The following BCL2 variants were observed in gnomAD, a reference collection of about 807,000 sequenced individuals.
The protein encoded by BCL2 is apoptosis regulator Bcl-2.
In BCL2, 1 loss-of-function variant was observed where a neutral mutation model predicts 14.2. That is an observed-to-expected ratio of 0.07 (90% confidence interval 0.02 to 0.33). The LOEUF (loss-of-function observed/expected upper bound fraction) is 0.33, where lower values mean the gene tolerates loss of function less well. Among genes scored for constraint, BCL2 ranks in the 10% least tolerant of loss-of-function variants. The pLI, the probability that BCL2 is intolerant of heterozygous loss-of-function variation, is 0.99. For synonymous variants in BCL2, 151 were observed against 137.2 expected, an observed-to-expected ratio of 1.10 and a Z score of -0.70; for missense variants, 247 against 305.9, an observed-to-expected ratio of 0.81 and a Z score of 1.44.
At chr18:63,214,175 A>G (rs1167560686) in intron 2 of BCL2, among the ~76,000 whole-genome samples, 3 of 152,216 alleles carry the variant, frequency 2.0e-5, no homozygotes, top group Non-Finnish European at 4.4e-5. Flanking sequence ...GACAAGGAAG[A>G]TGGGAAGCAA....
At chr18:63,166,845 T>C (rs1353395297) in intron 2 of BCL2, among the ~76,000 whole-genome samples, 1 of 152,246 alleles carries the variant, frequency 6.6e-6, no homozygotes, top group African/African-American at 2.4e-5. Flanking sequence ...TCATATTGGT[T>C]GACTGATGTA....
chr18:63,251,500 C>T (rs1334275586), intron 2 of BCL2, among the ~76,000 whole-genome samples: 2 of 151,398 alleles, frequency 1.3e-5, no homozygotes, highest in Admixed American at 6.6e-5. Context: ...AAAAAATTAG[C>T]CAGGCGTGGT....
chr18:63,306,836 T>C (rs1913150290), intron 2 of BCL2, among the ~76,000 whole-genome samples: 1 of 133,428 alleles, frequency 7.5e-6, no homozygotes, highest in Non-Finnish European at 1.5e-5. Flanking sequence ...ATGAGGTTTT[T>C]TTGTGCTTTT....
At chr18:63,199,146 C>T (rs969918720) in intron 2 of BCL2, among the ~76,000 whole-genome samples, 7 of 150,020 alleles carry the variant, frequency 4.7e-5, no homozygotes, top group African/African-American at 1.2e-4. Flanking sequence ...GACACAGAGA[C>T]GCAGACACAC....
chr18:63,317,976 C>A (rs1913549508), intron 2 of BCL2, 106 bp downstream of exon 2: 1 of 1,494,478 alleles, frequency 6.7e-7, no homozygotes, highest in Non-Finnish European at 9.0e-7. Context: ...GATTTTATTT[C>A]GCCGGCTCCA....
At chr18:63,302,004 G>A (rs1002419515) in intron 2 of BCL2, among the ~76,000 whole-genome samples, 3 of 152,086 alleles carry the variant, frequency 2.0e-5, no homozygotes, top group Non-Finnish European at 4.4e-5. Context: ...AATATTGGAC[G>A]AATATTTTTA....
At chr18:63,193,367 G>A (rs1176165625) in intron 2 of BCL2, among the ~76,000 whole-genome samples, 1 of 151,974 alleles carries the variant, frequency 6.6e-6, no homozygotes, top group Non-Finnish European at 1.5e-5. Context: ...CTTTATTCCT[G>A]TTGAAGGGCA....
intron 2 of BCL2, chr18:63,302,656 TC>T: frequency 1.0e-6 from 1 of 984,968 alleles, no homozygotes; most frequent in Non-Finnish European, 1.2e-6. Flanking sequence ...AGTTAAATAT[TC>T]AACCTATATA....
At chr18:63,285,476 G>A (rs1376184839) in intron 2 of BCL2, among the ~76,000 whole-genome samples, 1 of 152,222 alleles carries the variant, frequency 6.6e-6, no homozygotes, top group African/African-American at 2.4e-5. Context: ...AGTTGGAGCT[G>A]TAGCTAGGTA....
intron 2 of BCL2, among the ~76,000 whole-genome samples, chr18:63,167,915 G>C (rs1216290306): frequency 1.4e-5 from 2 of 147,826 alleles, no homozygotes; most frequent in Non-Finnish European, 3.0e-5. Flanking sequence ...GACAGAGTGA[G>C]ACTCCGTCTC....
In BCL2 at chr18:63,319,710, C is replaced by G. The variant is rs1331466429; in HGVS notation, c.-823G>C. 9.5e-6 allele frequency: 2 copies of G among 211,326 alleles called. No individual in the cohort carries two copies. The highest frequency in any genetic ancestry group is 4.5e-5 in the African/African-American group (2 of 44,046). The allele number at this position is 211,326 out of a possible 1,614,324, so 13.1% of individuals were successfully genotyped here. On this transcript the variant is annotated 5_prime_UTR_variant, in exon 1 of 3. Transcript: ENST00000333681. ...CTGCTGGATAAATGAAGGCAGGACG[C>G]GCCTGGCCCGCCGGTGCCGAGCGCT...
intron 2 of BCL2, among the ~76,000 whole-genome samples, chr18:63,148,098 C>T (rs533574454): frequency 5.9e-5 from 9 of 152,248 alleles, no homozygotes; most frequent in South Asian, 2.1e-4. Context: ...TGTTGAACTG[C>T]GCTTCCCCGC....
intron 2 of BCL2, among the ~76,000 whole-genome samples, chr18:63,212,952 G>A (rs936917171): frequency 2.6e-5 from 4 of 152,202 alleles, no homozygotes; most frequent in African/African-American, 9.6e-5. Context: ...AGGAATGTGA[G>A]AGAGGAAAAA....
chr18:63,204,160 C>T (rs1909773535), intron 2 of BCL2, among the ~76,000 whole-genome samples: 1 of 152,212 alleles, frequency 6.6e-6, no homozygotes, highest in South Asian at 2.1e-4. Flanking sequence ...ACAAGATTAT[C>T]TATTGGAGCA....
intron 2 of BCL2, among the ~76,000 whole-genome samples, chr18:63,177,169 C>G (rs1254670307): frequency 6.6e-6 from 1 of 151,966 alleles, no homozygotes; most frequent in African/African-American, 2.4e-5. Context: ...CACCCGCTTC[C>G]ATAGGGGTGA....
At chr18:63,317,836 CG>C in intron 2 of BCL2, 2 of 1,396,300 alleles carry the variant, frequency 1.4e-6, no homozygotes, top group Non-Finnish European at 1.9e-6. Flanking sequence ...GGATTACAAA[CG>C]CTAGATCTTT....
chr18:63,257,239 A>G (rs1911505656), intron 2 of BCL2, among the ~76,000 whole-genome samples: 1 of 152,234 alleles, frequency 6.6e-6, no homozygotes, highest in Non-Finnish European at 1.5e-5. Context: ...ACTCACAGAG[A>G]GACCCATGCG....
chr18:63,147,667 C>T (rs190529896), intron 2 of BCL2, among the ~76,000 whole-genome samples: 1 of 152,134 alleles, frequency 6.6e-6, no homozygotes, highest in Non-Finnish European at 1.5e-5. Context: ...TCCGACAGCT[C>T]AAATGGCATG....
chr18:63,211,198 C>T (rs1416468134), intron 2 of BCL2, among the ~76,000 whole-genome samples: 2 of 149,514 alleles, frequency 1.3e-5, no homozygotes, highest in Non-Finnish European at 3.0e-5. Context: ...GCTGGGACTA[C>T]AGGTGGGCAT....
Sources: allele counts gnomAD v4.1 joint callset (sites outside exome capture counted in the v4.1 genomes callset), GRCh38; gene constraint gnomAD v4.1.1; transcripts MANE v1.5; gene names NCBI Gene and HGNC (gene_info 2026-07-23, HGNC 2026-07-21).